TAF6L: variants seen among roughly 807,000 people sequenced by gnomAD.
The protein encoded by TAF6L is TATA-box binding protein associated factor 6 like, also known as TAF6-like RNA polymerase II p300/CBP-associated factor-associated factor 65 kDa subunit 6L.
Under a neutral mutation model 57.3 loss-of-function variants are expected in TAF6L, and 34 were observed. The observed-to-expected ratio is 0.59, with a 90% CI of 0.45 to 0.79. The LOEUF is 0.79. Ranked by LOEUF, TAF6L falls within the 30% of genes least tolerant of loss-of-function variation. The pLI is 0.00. For missense variants in TAF6L, 782 were observed against 853.2 expected, an observed-to-expected ratio of 0.92 and a Z score of 1.04; for synonymous variants, 417 against 376.3, an observed-to-expected ratio of 1.11 and a Z score of -1.25.
chr11:62,783,034 C>T (rs925909857), intron 9 of TAF6L, among the ~76,000 whole-genome samples: 2 of 152,180 alleles, frequency 1.3e-5, no homozygotes, highest in Non-Finnish European at 2.9e-5. Context: ...ACTGATGTCC[C>T]CACATTTTAT....
chr11:62,779,001 A>G (rs571178394), intron 6 of TAF6L, 38 bp downstream of exon 6: 2 of 1,419,232 alleles, frequency 1.4e-6, no homozygotes, highest in East Asian at 2.3e-5. Flanking sequence ...CAAAGTTGAA[A>G]TTGTAAATTC....
At chr11:62,781,007 G>A (rs1350573879) in intron 6 of TAF6L, among the ~76,000 whole-genome samples, 6 of 150,936 alleles carry the variant, frequency 4.0e-5, no homozygotes, top group African/African-American at 9.8e-5. Flanking sequence ...AGGCCGAGGC[G>A]GGTGGATTGC....
At chr11:62,772,631 A>T (rs911926777) in intron 1 of TAF6L, among the ~76,000 whole-genome samples, 1 of 151,434 alleles carries the variant, frequency 6.6e-6, no homozygotes, top group Admixed American at 6.6e-5. Context: ...GGAGTTCCAG[A>T]CCAGCTTGGC....
At position 62,778,969 on chromosome 11, in the gene TAF6L, C is replaced by T. The variant is rs537647586; in HGVS notation, c.531+6C>T. ...ATGATCCGCAACTGATGAAGGTGAG[C>T]GAGTGGGCCCAAGTTGGGGCACAAA... On this transcript the variant is annotated splice_donor_region_variant and intron_variant, in intron 6 of 10. Transcript: ENST00000294168. The T allele has an allele frequency of 3.7e-5, 60 of 1,609,904 alleles. No individual in the cohort carries two copies. The South Asian group carries it at 4.2e-4, about 11-fold the overall frequency.
At chr11:62,774,585 G>C (rs546703572) in intron 1 of TAF6L, 4 of 454,734 alleles carry the variant, frequency 8.8e-6, no homozygotes, top group South Asian at 6.2e-5. Context: ...TTTGGCGCAC[G>C]GGAGCCTACC....
intron 3 of TAF6L, among the ~76,000 whole-genome samples, chr11:62,777,124 G>A (rs1443735112): frequency 1.3e-5 from 2 of 151,494 alleles, no homozygotes; most frequent in African/African-American, 4.9e-5. Context: ...TCCAGCCTGG[G>A]TGACAGAGCA....
At position 62,776,485 on chromosome 11, in the gene TAF6L, G is replaced by A; in HGVS notation, c.234+15G>A. The A allele has an allele frequency of 6.2e-7, 1 of 1,612,310 alleles. No homozygotes were observed. ...GCAGCGTGGAGGTGAGTGGGGTGCA[G>A]GCTACAGAGGGCTCAGGTGGCATGA... On this transcript the variant is annotated intron_variant, in intron 3 of 10. Transcript: ENST00000294168.
intron 10 of TAF6L, 52 bp from the exon 11 acceptor site, chr11:62,786,465 T>C: frequency 6.3e-7 from 1 of 1,591,944 alleles, no homozygotes; most frequent in Admixed American, 1.7e-5. Context: ...GAATATTTGA[T>C]GGGCCCAGGT....
At chr11:62,773,142 A>G (rs1349246361) in intron 1 of TAF6L, among the ~76,000 whole-genome samples, 1 of 143,344 alleles carries the variant, frequency 7.0e-6, no homozygotes, top group Admixed American at 7.1e-5. Flanking sequence ...TGCCTGGCCT[A>G]TAATTACAAA....
chr11:62,778,233 T>C, intron 4 of TAF6L, 52 bp from the exon 5 acceptor site: 1 of 1,613,748 alleles, frequency 6.2e-7, no homozygotes, highest in Non-Finnish European at 8.5e-7. Flanking sequence ...GGGTAGGCGG[T>C]ACTCTAAGGG....
intron 6 of TAF6L, 35 bp from the exon 7 acceptor site, chr11:62,781,859 G>T: frequency 6.3e-7 from 1 of 1,589,810 alleles, no homozygotes; most frequent in Non-Finnish European, 8.6e-7. Flanking sequence ...ACAATTTTCT[G>T]GTGGATCCAA....
rs757949386 is a variant in TAF6L at position 62,786,905 on chromosome 11, TAGTC to T, written c.1481_1484del (p.Val494AlafsTer70). 7.2e-6 allele frequency: 11 copies of T among 1,521,186 alleles called. No homozygotes were observed. The highest frequency in any genetic ancestry group is 1.2e-5 in the South Asian group (1 of 83,330). The allele number at this position is 1,521,186 out of a possible 1,614,324, so 94.2% of individuals were successfully genotyped here. A position where few individuals can be genotyped will look rare whatever the true frequency, so the allele number is the denominator to read the frequency against. Reference sequence around the variant, plus strand: ...ATGCCGCAGCTGACGGCAAGCGCCATAGTCAGCCCGCACGGCGACGAGAGCCCCC... The same window carrying T: ...ATGCCGCAGCTGACGGCAAGCGCCATAGCCCGCACGGCGACGAGAGCCCCC... On this transcript the variant is annotated frameshift_variant, in exon 11 of 11. Transcript: ENST00000294168. LOFTEE classifies it high-confidence loss of function.
intron 1 of TAF6L, among the ~76,000 whole-genome samples, chr11:62,774,266 T>G (rs1040114297): frequency 1.3e-5 from 2 of 151,986 alleles, no homozygotes; most frequent in Admixed American, 1.3e-4. Flanking sequence ...TTAGTAGAGA[T>G]GGGGTTTCAC....
intron 9 of TAF6L, 62 bp from the exon 10 acceptor site, chr11:62,786,198 G>A (rs973112820): frequency 1.3e-6 from 2 of 1,559,058 alleles, no homozygotes; most frequent in African/African-American, 2.7e-5. Context: ...TCATGGGAAA[G>A]GGTCCTTGAG....
At chr11:62,772,259 C>G in intron 1 of TAF6L, 2 of 394,862 alleles carry the variant, frequency 5.1e-6, no homozygotes, top group Admixed American at 5.7e-5. Flanking sequence ...CGGTGGCTCA[C>G]GCCTGTAATC....
intron 9 of TAF6L, 30 bp downstream of exon 9, chr11:62,782,855 G>GT (rs1160629899): frequency 8.1e-6 from 13 of 1,608,894 alleles, no homozygotes; most frequent in Non-Finnish European, 1.1e-5. Context: ...TCACACAGCC[G>GT]TAAGAACTCC....
In TAF6L at chr11:62,787,078, C is replaced by T. The variant is rs1289892050; in HGVS notation, c.1651C>T (p.Arg551Cys). The change falls in exon 11 of 11, where the codon CGT (arginine) becomes TGT (cysteine). Residue 551 changes from arginine (R) to cysteine (C), a missense_variant. Arg to Cys is a radical substitution (Grantham distance 180). Around this residue, in one of 3 missense-constraint regions of TAF6L, gnomAD observed 483 missense variants for 445.1 expected, o/e 1.09. Coordinates refer to ENST00000294168, the MANE Select transcript of TAF6L (RefSeq NM_006473.4). ...CACCCGCGACGTTTTCCAGAAGAGC[C>T]GTTTCGCCCCGCGCGGCGCCCCGCA... ...TGTRDVFQKSRFAPRGAPHFR... is the reference protein window; with the variant it reads ...TGTRDVFQKSCFAPRGAPHFR... 2 of 1,533,116 alleles carry T rather than the reference C, an allele frequency of 1.3e-6. No homozygotes were observed. Among genetic ancestry groups the T allele is most frequent in the Non-Finnish European group, 1.7e-6 (2 of 1,146,968 alleles). The allele number at this position is 1,533,116 out of a possible 1,614,324, so 95.0% of individuals were successfully genotyped here. A position where few individuals can be genotyped will look rare whatever the true frequency, so the allele number is the denominator to read the frequency against.
chr11:62,772,153 A>T, intron 1 of TAF6L: 1 of 456,288 alleles, frequency 2.2e-6, no homozygotes, highest in Admixed American at 2.3e-5. Flanking sequence ...GACGAAATAC[A>T]TAATAATATC....
chr11:62,772,826 G>C (rs557551897), intron 1 of TAF6L, among the ~76,000 whole-genome samples: 2 of 149,840 alleles, frequency 1.3e-5, no homozygotes, highest in Non-Finnish European at 3.0e-5. Context: ...AAAAAGAATA[G>C]TTCTTCTTTC....
Sources: gnomAD v4.1 joint callset for allele counts (sites outside exome capture counted in the v4.1 genomes callset) on GRCh38, gnomAD v4.1.1 for gene constraint, gnomAD v4.1.1 regional missense constraint, MANE v1.5 for transcripts, NCBI Gene and HGNC (gene_info 2026-07-23, HGNC 2026-07-21) for gene names.